Variants in NEDD4L observed in about 807,000 individuals in gnomAD.
The protein encoded by NEDD4L is E3 ubiquitin-protein ligase NEDD4-like.
In NEDD4L, 54 loss-of-function variants were observed where a neutral mutation model predicts 148.9. That is an observed-to-expected ratio of 0.36 (90% CI 0.29 to 0.45). The LOEUF (loss-of-function observed/expected upper bound fraction) is 0.45, where lower values mean the gene tolerates loss of function less well. Ranked by LOEUF, NEDD4L falls within the 20% of genes least tolerant of loss-of-function variation. The pLI, the probability that NEDD4L is intolerant of heterozygous loss-of-function variation, is 1.00. For missense variants in NEDD4L, 856 were observed against 1,233.8 expected, an observed-to-expected ratio of 0.69 and a Z score of 4.59; for synonymous variants, 433 against 440.7, an observed-to-expected ratio of 0.98 and a Z score of 0.22.
chr18:58,076,933 C>A (rs1426090400), intron 1 of NEDD4L, among the ~76,000 whole-genome samples: 2 of 150,878 alleles, frequency 1.3e-5, no homozygotes, highest in African/African-American at 2.4e-5. Flanking sequence ...TCACTGCAAC[C>A]ACTGCCTCCT....
chr18:58,159,400 G>A (rs1233130748), intron 1 of NEDD4L, among the ~76,000 whole-genome samples: 3 of 152,258 alleles, frequency 2.0e-5, no homozygotes, highest in Middle Eastern at 3.4e-3. Flanking sequence ...ATGGGCTTCG[G>A]GTGATTTCGA....
intron 22 of NEDD4L, among the ~76,000 whole-genome samples, chr18:58,369,101 C>A (rs2046485440): frequency 6.6e-6 from 1 of 152,182 alleles, no homozygotes; most frequent in South Asian, 2.1e-4. Flanking sequence ...GTGATAGTGT[C>A]TGAGCAGAAG....
At chr18:58,151,625 A>G (rs556828) in intron 1 of NEDD4L, among the ~76,000 whole-genome samples, 3,992 of 141,068 alleles carry the variant, frequency 0.028, 164 homozygotes, top group African/African-American at 0.095. Flanking sequence ...GTGCCTGGAT[A>G]TGTGTGTGTG....
chr18:58,348,892 TA>T (rs896097458), intron 16 of NEDD4L, among the ~76,000 whole-genome samples: 1 of 152,186 alleles, frequency 6.6e-6, no homozygotes, highest in African/African-American at 2.4e-5. Flanking sequence ...AAAAATTTTG[TA>T]AACGTTTAAA....
At chr18:58,320,593 G>A (rs116316224) in intron 6 of NEDD4L, among the ~76,000 whole-genome samples, 2,588 of 152,224 alleles carry the variant, frequency 0.017, 70 homozygotes, top group African/African-American at 0.059. Context: ...GCAGGAGGAC[G>A]TCTTGAGCTC....
At chr18:58,253,212 G>A (rs3865414) in intron 5 of NEDD4L, among the ~76,000 whole-genome samples, 36,266 of 152,088 alleles carry the variant, frequency 0.24, 5,044 homozygotes, top group African/African-American at 0.37. Context: ...AACTCCTGTT[G>A]TTGTCGATGA....
chr18:58,197,914 C>T (rs1158737464), intron 2 of NEDD4L: 3 of 152,222 alleles, frequency 2.0e-5, no homozygotes, highest in Non-Finnish European at 4.4e-5. Flanking sequence ...CGCTGCCCCA[C>T]ACACTCTCCA....
At chr18:58,357,170 T>C (rs1818505673) in intron 18 of NEDD4L, 24 bp from the exon 19 acceptor site, 3 of 1,591,534 alleles carry the variant, frequency 1.9e-6, no homozygotes, top group South Asian at 2.3e-5. Context: ...TCTGATTTTT[T>C]TTTTTTTTTT....
chr18:58,090,964 T>C (rs1387299097), intron 1 of NEDD4L: 2 of 152,274 alleles, frequency 1.3e-5, no homozygotes, highest in Admixed American at 6.5e-5. Context: ...AAGTACCTTA[T>C]AGCTGATGTT....
intron 1 of NEDD4L, among the ~76,000 whole-genome samples, chr18:58,104,748 C>CATCACTAACA (rs2084964418): frequency 2.6e-5 from 4 of 151,898 alleles, no homozygotes; most frequent in Admixed American, 2.0e-4. Flanking sequence ...GCATTTTTTC[C>CATCACTAACA]TTTTCATCAC....
intron 6 of NEDD4L, among the ~76,000 whole-genome samples, chr18:58,317,943 C>T (rs1298591923): frequency 6.6e-6 from 1 of 152,150 alleles, no homozygotes; most frequent in African/African-American, 2.4e-5. Flanking sequence ...AAAGGAGAGG[C>T]GTGAAGGTAT....
intron 1 of NEDD4L, among the ~76,000 whole-genome samples, chr18:58,147,952 A>C (rs4149591): frequency 0.59 from 89,222 of 151,896 alleles, 26,560 homozygotes; most frequent in African/African-American, 0.66. Context: ...CTGCAATGCA[A>C]TGCAGAAGGG....
intron 2 of NEDD4L, among the ~76,000 whole-genome samples, chr18:58,237,540 C>T (rs158861): frequency 0.52 from 78,391 of 152,054 alleles, 21,280 homozygotes; most frequent in African/African-American, 0.71. Context: ...TAGGTGAAAT[C>T]TTCCTTTTTG....
intron 22 of NEDD4L, among the ~76,000 whole-genome samples, chr18:58,368,767 C>CA (rs993284177): frequency 7.2e-5 from 11 of 152,144 alleles, no homozygotes; most frequent in Non-Finnish European, 1.0e-4. Context: ...TATTTGGTAG[C>CA]AGGGCGACAG....
rs564511079 is a variant in NEDD4L, at chr18:58,156,389, A to G, written c.49-9399A>G. ...TAGAAAACATTCTGGTTTATGAACA[A>G]TCTGCTTTTCACTATGAAATAGATG... On this transcript the variant is annotated intron_variant, in intron 1 of 30. Transcript: ENST00000400345. Among the ~76,000 whole-genome samples the G allele has an allele frequency of 5.9e-5, 9 of 152,344 alleles. No homozygotes were observed. In the South Asian group the frequency reaches 1.4e-3, roughly 25 times the overall value.
chr18:58,217,024 A>G (rs1337660572), intron 2 of NEDD4L, among the ~76,000 whole-genome samples: 1 of 152,216 alleles, frequency 6.6e-6, no homozygotes, highest in Non-Finnish European at 1.5e-5. Context: ...GAAGAGGTAC[A>G]TCGTATTGTG....
At chr18:58,315,407 G>A (rs1239529474) in intron 5 of NEDD4L, among the ~76,000 whole-genome samples, 4 of 151,860 alleles carry the variant, frequency 2.6e-5, no homozygotes, top group African/African-American at 4.8e-5. Context: ...GGCATGGTGT[G>A]TCCAAAAATT....
rs145015422 is a variant in NEDD4L, at chr18:58,126,894, C to T, written c.49-38894C>T. On this transcript the variant is annotated intron_variant, in intron 1 of 30. Coordinates refer to ENST00000400345, the MANE Select transcript of NEDD4L (RefSeq NM_001144967.3). ...CAGACTCTCACTCTGCCTTGGCACCCGCACCCCAGCACCCAGGGGTGAGGT... is the reference window on the plus strand; with the variant it reads ...CAGACTCTCACTCTGCCTTGGCACCTGCACCCCAGCACCCAGGGGTGAGGT... Among the ~76,000 whole-genome samples the T allele has an allele frequency of 3.6e-3, 548 of 152,344 alleles. 4 individuals carry two copies. The highest frequency in any genetic ancestry group is 0.011 in the African/African-American group (475 of 41,584).
intron 2 of NEDD4L, among the ~76,000 whole-genome samples, chr18:58,199,821 A>C (rs1162158677): frequency 6.6e-6 from 1 of 152,242 alleles, no homozygotes; most frequent in Non-Finnish European, 1.5e-5. Flanking sequence ...AACAGGAAAA[A>C]GAACATTAGG....
Sources: allele counts gnomAD v4.1 joint callset (sites outside exome capture counted in the v4.1 genomes callset), GRCh38; gene constraint gnomAD v4.1.1; transcripts MANE v1.5; gene names NCBI Gene and HGNC (gene_info 2026-07-23, HGNC 2026-07-21).